NLK: variants seen among roughly 807,000 people sequenced by gnomAD.
NLK encodes the protein nemo like kinase, also known as serine/threonine-protein kinase NLK.
In NLK, 11 loss-of-function variants were observed where a neutral mutation model predicts 59.0. The ratio of observed to expected loss-of-function variants is 0.19; its 90% CI spans 0.12 to 0.31. The LOEUF is 0.31. Ranked by LOEUF, NLK falls within the 10% of genes least tolerant of loss-of-function variation. The pLI, the probability that NLK is intolerant of heterozygous loss-of-function variation, is 1.00. For synonymous variants in NLK, 235 were observed against 235.9 expected, an observed-to-expected ratio of 1.00 and a Z score of 0.03; for missense variants, 410 against 661.1, an observed-to-expected ratio of 0.62 and a Z score of 4.16.
At chr17:28,049,601 C>T (rs999201447) in intron 1 of NLK, among the ~76,000 whole-genome samples, 3 of 152,120 alleles carry the variant, frequency 2.0e-5, no homozygotes, top group Non-Finnish European at 2.9e-5. Context: ...ACAATATGAA[C>T]AATGAAACAT....
chr17:28,120,238 GTGTGTGTGT>G (rs1567719364), intron 1 of NLK, among the ~76,000 whole-genome samples: 7 of 16,732 alleles, frequency 4.2e-4, no homozygotes, highest in African/African-American at 1.8e-3. Flanking sequence ...GGCTTGGGGT[GTGTGTGTGT>G]GTGTGTGTGT....
intron 7 of NLK, among the ~76,000 whole-genome samples, chr17:28,179,198 T>C (rs1908798935): frequency 6.6e-6 from 1 of 152,080 alleles, no homozygotes; most frequent in African/African-American, 2.4e-5. Context: ...TGTGTGAATG[T>C]TAGGAGAATT....
At chr17:28,082,429 T>G (rs1194864736) in intron 1 of NLK, among the ~76,000 whole-genome samples, 1 of 152,248 alleles carries the variant, frequency 6.6e-6, no homozygotes, top group South Asian at 2.1e-4. Flanking sequence ...GGAAATACTT[T>G]GGCAAAATGC....
intron 1 of NLK, among the ~76,000 whole-genome samples, chr17:28,068,948 G>C (rs1909922076): frequency 6.6e-6 from 1 of 152,132 alleles, no homozygotes; most frequent in Non-Finnish European, 1.5e-5. Flanking sequence ...CAATGTGCTG[G>C]AATTACAGGT....
intron 3 of NLK, among the ~76,000 whole-genome samples, chr17:28,136,444 TTTTAGGAAGGAATGA>T (rs1208364556): frequency 1.3e-5 from 2 of 152,140 alleles, no homozygotes; most frequent in African/African-American, 4.8e-5. Flanking sequence ...TATAAAGACT[TTTTAGGAAGGAATGA>T]TTTAGCTTGG....
intron 1 of NLK, among the ~76,000 whole-genome samples, chr17:28,090,916 T>C (rs1257147118): frequency 2.6e-5 from 4 of 152,204 alleles, no homozygotes; most frequent in African/African-American, 9.7e-5. Flanking sequence ...TCAGTGGTTT[T>C]GAGCAATTTG....
chr17:28,083,632 TTTG>T (rs1002275067), intron 1 of NLK, among the ~76,000 whole-genome samples: 1 of 152,256 alleles, frequency 6.6e-6, no homozygotes, highest in South Asian at 2.1e-4. Flanking sequence ...TTTTATGATT[TTTG>T]TTGTTGTTGT....
the NLK span, among the ~76,000 whole-genome samples, chr17:28,205,289 T>A: frequency 2.0e-5 from 3 of 152,200 alleles, no homozygotes; most frequent in Non-Finnish European, 4.4e-5. Context: ...TTATTTTTGC[T>A]ATTAGGCTGC....
At chr17:28,044,496 T>A (rs184363852) in intron 1 of NLK, among the ~76,000 whole-genome samples, 3 of 152,326 alleles carry the variant, frequency 2.0e-5, no homozygotes, top group African/African-American at 2.4e-5. Flanking sequence ...ATCCATTTTT[T>A]AAAAAAACTA....
intron 7 of NLK, among the ~76,000 whole-genome samples, chr17:28,176,972 C>T (rs779476234): frequency 2.6e-5 from 4 of 152,140 alleles, no homozygotes; most frequent in Non-Finnish European, 5.9e-5. Flanking sequence ...TCGATTAACA[C>T]ATTTTGTATG....
At chr17:28,062,762 G>T (rs1909706036) in intron 1 of NLK, among the ~76,000 whole-genome samples, 1 of 152,060 alleles carries the variant, frequency 6.6e-6, no homozygotes, top group African/African-American at 2.4e-5. Context: ...TGTGTTTTTA[G>T]TAGAGATGGG....
chr17:28,080,992 C>T (rs759027938), intron 1 of NLK, among the ~76,000 whole-genome samples: 1 of 151,552 alleles, frequency 6.6e-6, no homozygotes, highest in Non-Finnish European at 1.5e-5. Context: ...TGGGCTCAAT[C>T]GATCCACCCA....
chr17:28,045,238 C>G (rs1909010827), intron 1 of NLK, among the ~76,000 whole-genome samples: 2 of 152,220 alleles, frequency 1.3e-5, no homozygotes, highest in African/African-American at 4.8e-5. Flanking sequence ...TCTTGTGTCA[C>G]TGACTACATT....
At chr17:28,197,737 T>G (rs186544696), downstream of NLK, among the ~76,000 whole-genome samples, 11 of 152,236 alleles carry the variant, frequency 7.2e-5, no homozygotes, top group East Asian at 1.9e-4. Flanking sequence ...TGTTTTTTTT[T>G]GTCTCTCTAT....
intron 3 of NLK, among the ~76,000 whole-genome samples, chr17:28,149,996 T>C (rs546221393): frequency 3.0e-4 from 45 of 152,360 alleles, no homozygotes; most frequent in Non-Finnish European, 5.1e-4. Context: ...GGCAGTCTCA[T>C]GTATTTCATT....
chr17:28,042,765 A>G lies in NLK; in HGVS notation c.-109A>G, dbSNP rs1478366606. The G allele has an allele frequency of 9.9e-7, 1 of 1,006,820 alleles. No homozygotes were observed. Among genetic ancestry groups the G allele is most frequent in the Non-Finnish European group, 1.4e-6 (1 of 706,514 alleles). 62.4% of individuals were successfully genotyped at this position (1,006,820 alleles called of 1,614,324 possible). A position where few individuals can be genotyped will look rare whatever the true frequency, so the allele number is the denominator to read the frequency against. On this transcript the variant is annotated 5_prime_UTR_variant, in exon 1 of 11. Transcript: ENST00000407008. The stretch of plus-strand genomic sequence containing the variant: ...CTTGTTTGGATTGACTGATGAAGAC[A>G]TAAAGCTCTATGTTTTTTGAGGTGG...
intron 1 of NLK, among the ~76,000 whole-genome samples, chr17:28,058,438 C>T (rs1283541361): frequency 6.6e-6 from 1 of 152,182 alleles, no homozygotes; most frequent in African/African-American, 2.4e-5. Context: ...CTGTTTCTTT[C>T]AATGCTAATG....
intron 1 of NLK, among the ~76,000 whole-genome samples, chr17:28,055,601 TC>T (rs1909414041): frequency 6.6e-6 from 1 of 152,118 alleles, no homozygotes; most frequent in Non-Finnish European, 1.5e-5. Context: ...CACCTCAGCC[TC>T]CCAAGTAGCT....
At chr17:28,054,181 G>T (rs1055470416) in intron 1 of NLK, among the ~76,000 whole-genome samples, 3 of 152,208 alleles carry the variant, frequency 2.0e-5, no homozygotes, top group African/African-American at 7.2e-5. Flanking sequence ...AAGGGGCTTG[G>T]TTTGGGTTTG....
Sources: allele counts gnomAD v4.1 joint callset (sites outside exome capture counted in the v4.1 genomes callset), GRCh38; gene constraint gnomAD v4.1.1; transcripts MANE v1.5; gene names NCBI Gene and HGNC (gene_info 2026-07-23, HGNC 2026-07-21).